TRIP12: variants seen among roughly 807,000 people sequenced by gnomAD.
The protein encoded by TRIP12 is E3 ubiquitin-protein ligase TRIP12.
Under a neutral mutation model 244.2 loss-of-function variants are expected in TRIP12, and 25 were observed. That is an observed-to-expected ratio of 0.10 (90% CI 0.07 to 0.14). The LOEUF (loss-of-function observed/expected upper bound fraction) is 0.14, where lower values mean the gene tolerates loss of function less well. TRIP12 is among the 10% of genes least tolerant of loss of function. The pLI is 1.00. For missense variants in TRIP12, 1,677 were observed against 2,486.4 expected (o/e 0.67, Z 6.92); for synonymous variants, 905 against 873.1 (o/e 1.04, Z -0.64).
chr2:229,796,267 C>CTTCA (rs2042792015), intron 25 of TRIP12, among the ~76,000 whole-genome samples: 1 of 152,226 alleles, frequency 6.6e-6, no homozygotes, highest in Non-Finnish European at 1.5e-5. Context: ...CTAATACAAA[C>CTTCA]TTCAATACAT....
chr2:229,892,575 CA>C lies in TRIP12; in HGVS notation c.-49-12448del, dbSNP rs199821299. On this transcript the variant is annotated intron_variant, in intron 1 of 41. Transcript: ENST00000675903. ...CATTTGAGAATAATGTGACAAAATACAAAAAAAATTAGGTCAGGCACGGTGG... is the reference window on the plus strand; with the variant it reads ...CATTTGAGAATAATGTGACAAAATACAAAAAAATTAGGTCAGGCACGGTGG... 5.9e-3 allele frequency among the ~76,000 whole-genome samples: 901 copies of C among 151,922 alleles called. 7 individuals are homozygous for C. The highest frequency in any genetic ancestry group is 0.02 in the African/African-American group (846 of 41,444).
chr2:229,822,463 G>C (rs145540169), intron 8 of TRIP12, among the ~76,000 whole-genome samples: 198 of 152,308 alleles, frequency 1.3e-3, no homozygotes, highest in African/African-American at 4.4e-3. Flanking sequence ...ACAGTGACTA[G>C]CAAGAGGTGA....
chr2:229,891,888 C>G (rs1235038665), intron 1 of TRIP12, among the ~76,000 whole-genome samples: 9 of 152,168 alleles, frequency 5.9e-5, no homozygotes. Flanking sequence ...CAGTATGTCA[C>G]TGTGGAAAAA....
intron 2 of TRIP12, among the ~76,000 whole-genome samples, chr2:229,876,075 A>G (rs762762964): frequency 6.6e-6 from 1 of 152,128 alleles, no homozygotes; most frequent in Non-Finnish European, 1.5e-5. Context: ...GGAGTTCAAG[A>G]CCAGCCTGGC....
rs143257295 is a variant in TRIP12 at position 229,911,062 on chromosome 2, C to T, written c.-50+10818G>A. Among the ~76,000 whole-genome samples the T allele has an allele frequency of 1.5e-4, 23 of 152,304 alleles. No homozygotes were observed. The East Asian group carries it at 4.4e-3, about 29-fold the overall frequency. ...CCCTAGGTGGGAAGAAATGAAAATA[C>T]ATGCTTCATATAAAGGAAAAAATAT... On this transcript the variant is annotated intron_variant, in intron 1 of 41. Transcript: ENST00000675903.
In TRIP12 at chr2:229,788,875, T is replaced by C; in HGVS notation, c.4761A>G (p.Ala1587=). 1 of 1,614,086 alleles carries C rather than the reference T, an allele frequency of 6.2e-7. No individual in the cohort carries two copies. The highest frequency in any genetic ancestry group is 8.5e-7 in the Non-Finnish European group (1 of 1,179,946). ...EFINSKLTAK[A]NRQLQDPLVI... is the part of the protein sequence containing the mutation. ...CTAAAGGATCTTGAAGTTGCCTATTTGCTTTTGCTGTTAACTTACTGTTAA... is the reference window on the plus strand; with the variant it reads ...CTAAAGGATCTTGAAGTTGCCTATTCGCTTTTGCTGTTAACTTACTGTTAA... Residue 1587 remains alanine, a synonymous_variant, in exon 32 of 42, where the codon GCA becomes GCG. Coordinates refer to ENST00000675903, the MANE Select transcript of TRIP12 (RefSeq NM_001348323.3).
At chr2:229,799,511 T>C (rs1275775401) in intron 21 of TRIP12, 128 bp from the exon 22 acceptor site, 2 of 779,976 alleles carry the variant, frequency 2.6e-6, no homozygotes, top group East Asian at 2.7e-5. Context: ...GCGCGGTGGC[T>C]CACGCCTGTA....
At chr2:229,791,100 T>G in intron 30 of TRIP12, 24 bp downstream of exon 30, 1 of 1,612,944 alleles carries the variant, frequency 6.2e-7, no homozygotes. Context: ...GGCAATCCAT[T>G]TTCCCCTTTA....
intron 1 of TRIP12, among the ~76,000 whole-genome samples, chr2:229,883,393 T>C (rs981804722): frequency 6.6e-6 from 1 of 152,246 alleles, no homozygotes; most frequent in African/African-American, 2.4e-5. Flanking sequence ...GTCTACCATA[T>C]ATTACTTAAT....
Position 229,778,736 on chromosome 2 carries a change from C to T in TRIP12, c.5209+140G>A. 1.5e-6 allele frequency: 2 copies of T among 1,333,274 alleles called. No homozygotes were observed. The highest frequency in any genetic ancestry group is 2.1e-6 in the Non-Finnish European group (2 of 964,760). The allele number at this position is 1,333,274 out of a possible 1,614,324, so 82.6% of individuals were successfully genotyped here. A position where few individuals can be genotyped will look rare whatever the true frequency, so the allele number is the denominator to read the frequency against. On this transcript the variant is annotated intron_variant, in intron 35 of 41. Transcript: ENST00000675903. The surrounding 1 kb of genome is among the most constrained non-coding windows in gnomAD (Gnocchi z 4.1). ...TCCTCTAGAACTGGACAGGCCTTCC[C>T]TATTTGATAAATGAGAAAACAGAGG...
Position 229,805,738 on chromosome 2 carries a change from C to T in TRIP12, c.2642G>A (p.Ser881Asn), listed in dbSNP as rs750214279. The T allele has an allele frequency of 6.3e-7, 1 of 1,593,728 alleles. No homozygotes were observed. The highest frequency in any genetic ancestry group is 8.6e-7 in the Non-Finnish European group (1 of 1,164,262). Residue 881 changes from serine to asparagine, a missense_variant, in exon 18 of 42, where the codon AGT becomes AAT. By Grantham distance (46) the Ser-to-Asn change is conservative (BLOSUM62 1). Transcript: ENST00000675903. ...ACTCAGAATGTACTTACTAGTGTTA[C>T]TATTGGCTAACGGGTTAGGTTTTCT... ...IQRKPNPLANSNTSGYSESKK... is the reference protein window; with the variant it reads ...IQRKPNPLANNNTSGYSESKK...
intron 1 of TRIP12, among the ~76,000 whole-genome samples, chr2:229,883,706 G>A (rs2065340960): frequency 6.6e-6 from 1 of 152,122 alleles, no homozygotes; most frequent in Non-Finnish European, 1.5e-5. Context: ...AAACAAAAAG[G>A]CTAATGGATG....
Position 229,791,170 on chromosome 2 carries a change from C to A in TRIP12, c.4497G>T (p.Thr1499=). ...TTTTTGCATTTCTAGGGGAAGTTTT[C>A]GTTGGAGCTGTTTGGGCTCTTCCTC... The part of the protein sequence containing the change: ...GKRGRAQTAP[T]KTSPRNAKKH... Residue 1499 remains threonine, a synonymous_variant, in exon 30 of 42, where the codon ACG becomes ACT. Coordinates refer to ENST00000675903, the MANE Select transcript of TRIP12 (RefSeq NM_001348323.3). The A allele has an allele frequency of 6.2e-7, 1 of 1,614,108 alleles. No homozygotes were observed. The highest frequency in any genetic ancestry group is 1.1e-5 in the South Asian group (1 of 91,084).
chr2:229,791,795 A>C, intron 29 of TRIP12, 71 bp downstream of exon 29: 1 of 1,509,058 alleles, frequency 6.6e-7, no homozygotes, highest in Non-Finnish European at 9.1e-7. Context: ...CATTAAGTTA[A>C]TGTGAATTCT....
chr2:229,776,540 C>G (rs2036308887), intron 37 of TRIP12, among the ~76,000 whole-genome samples: 1 of 152,104 alleles, frequency 6.6e-6, no homozygotes, highest in Non-Finnish European at 1.5e-5. Flanking sequence ...ACTCTAAAAT[C>G]CTATCCCTCT....
chr2:229,851,043 G>T (rs932293925), intron 4 of TRIP12, among the ~76,000 whole-genome samples: 1 of 152,188 alleles, frequency 6.6e-6, no homozygotes, highest in Non-Finnish European at 1.5e-5. Flanking sequence ...CCCGACGAGC[G>T]CCGCCCCCTG....
At chr2:229,901,940 G>A (rs1030787966) in intron 1 of TRIP12, among the ~76,000 whole-genome samples, 6 of 152,144 alleles carry the variant, frequency 3.9e-5, no homozygotes, top group African/African-American at 1.4e-4. Context: ...CAGGAAGCAG[G>A]CTATTCCCTC....
intron 9 of TRIP12, among the ~76,000 whole-genome samples, chr2:229,816,238 C>T (rs761660544): frequency 6.6e-5 from 10 of 151,632 alleles, no homozygotes; most frequent in South Asian, 4.2e-4. Context: ...TAAAGTATAC[C>T]TACATACCAG....
chr2:229,887,611 G>A (rs922494991), intron 1 of TRIP12, among the ~76,000 whole-genome samples: 3 of 151,484 alleles, frequency 2.0e-5, no homozygotes, highest in Non-Finnish European at 2.9e-5. Flanking sequence ...TCTACACAGT[G>A]AGAAAGAATA....
Sources: allele counts gnomAD v4.1 joint callset (sites outside exome capture counted in the v4.1 genomes callset), GRCh38; gene constraint gnomAD v4.1.1; non-coding constraint Gnocchi (gnomAD v3.1); transcripts MANE v1.5; gene names NCBI Gene and HGNC (gene_info 2026-07-23, HGNC 2026-07-21).